SYTL5: variants seen among roughly 807,000 people sequenced by gnomAD.
SYTL5 encodes synaptotagmin like 5, also known as synaptotagmin-like protein 5.
In SYTL5, 34 loss-of-function variants were observed where a neutral mutation model predicts 55.9. The ratio of observed to expected loss-of-function variants is 0.61; its 90% CI spans 0.46 to 0.81. The LOEUF is 0.81. Ranked by LOEUF, SYTL5 falls within the 30% of genes least tolerant of loss-of-function variation. The pLI is 0.00. For synonymous variants in SYTL5, 221 were observed against 188.7 expected (o/e 1.17, Z -1.40); for missense variants, 637 against 546.7 (o/e 1.17, Z -1.65).
At chrX:37,930,410 G>A in the SYTL5 span, among the ~76,000 whole-genome samples, 1 of 111,559 alleles carries the variant, frequency 9.0e-6, no homozygotes, top group Non-Finnish European at 1.9e-5. Flanking sequence ...TCTGAAGAGA[G>A]AAAAAGCCTA....
chrX:37,983,049 G>GA, the SYTL5 span, among the ~76,000 whole-genome samples: 3 of 110,807 alleles, frequency 2.7e-5, no homozygotes, highest in Admixed American at 2.9e-4. Flanking sequence ...AAAATATAGT[G>GA]AAAAAATAAA....
intron 5 of SYTL5, among the ~76,000 whole-genome samples, chrX:38,075,699 G>A (rs745568875): frequency 6.3e-5 from 7 of 111,992 alleles, no homozygotes; most frequent in Non-Finnish European, 1.3e-4. Context: ...CTTTGACAAT[G>A]ACACTATTCC....
At chrX:38,037,963 G>T (rs1481709469) in intron 2 of SYTL5, among the ~76,000 whole-genome samples, 7 of 111,325 alleles carry the variant, frequency 6.3e-5, no homozygotes, top group Non-Finnish European at 1.3e-4. Flanking sequence ...GATGCAATAA[G>T]TTCCAATCCA....
chrX:37,893,843 T>A, the SYTL5 span, among the ~76,000 whole-genome samples: 6 of 91,890 alleles, frequency 6.5e-5, no homozygotes, highest in African/African-American at 2.7e-4. Context: ...TAATATATAA[T>A]TAAGTATGTT....
chrX:37,895,034 T>C, the SYTL5 span, among the ~76,000 whole-genome samples: 1 of 111,769 alleles, frequency 8.9e-6, no homozygotes, highest in Non-Finnish European at 1.9e-5. Flanking sequence ...CCAATTCCTG[T>C]AATAAATCAA....
At position 38,082,107 on chromosome X, in the gene SYTL5, T is replaced by A. The variant is rs745588458; in HGVS notation, c.689+5406T>A. Among the ~76,000 whole-genome samples the A allele has an allele frequency of 3.6e-5, 4 of 112,003 alleles. No homozygotes were observed. In the South Asian group the frequency reaches 1.1e-3, roughly 32 times the overall value. On this transcript the variant is annotated intron_variant, in intron 6 of 16. Transcript: ENST00000297875. ...GTGACTTTCCTCATTATAATGTCAA[T>A]AATGTGAGAAGGTATGGAGGCTCAG...
chrX:38,103,578 G>T (rs894769550), intron 10 of SYTL5, among the ~76,000 whole-genome samples: 24 of 110,357 alleles, frequency 2.2e-4, no homozygotes, highest in African/African-American at 7.3e-4. Context: ...GGTATGGTGG[G>T]GTAGTCCTCA....
At chrX:38,080,269 G>A (rs1936497609) in intron 6 of SYTL5, among the ~76,000 whole-genome samples, 1 of 111,905 alleles carries the variant, frequency 8.9e-6, no homozygotes, top group African/African-American at 3.2e-5. Context: ...AACCTAAAAT[G>A]CATTTTGTTC....
intron 3 of SYTL5, among the ~76,000 whole-genome samples, chrX:38,056,209 A>G (rs1423887965): frequency 8.9e-6 from 1 of 111,973 alleles, no homozygotes; most frequent in Non-Finnish European, 1.9e-5. Flanking sequence ...AAGTAAGAAC[A>G]TGTAAAGTTT....
chrX:38,010,407 T>TA (rs1256689254), intron 1 of SYTL5, among the ~76,000 whole-genome samples: 2 of 111,070 alleles, frequency 1.8e-5, no homozygotes, highest in African/African-American at 6.6e-5. Context: ...ATGATTCAGA[T>TA]AAAAAAAAGA....
intron 6 of SYTL5, among the ~76,000 whole-genome samples, chrX:38,078,141 G>A (rs1473235958): frequency 8.9e-6 from 1 of 112,242 alleles, no homozygotes; most frequent in South Asian, 3.7e-4. Flanking sequence ...CTAATTTGGT[G>A]TTCTTTTTGC....
chrX:37,927,180 C>A, the SYTL5 span, among the ~76,000 whole-genome samples: 1 of 112,160 alleles, frequency 8.9e-6, no homozygotes, highest in African/African-American at 3.2e-5. Flanking sequence ...GTATTTCAAT[C>A]AACCTAAAAG....
chrX:37,909,569 G>A, the SYTL5 span, among the ~76,000 whole-genome samples: 1 of 111,294 alleles, frequency 9.0e-6, no homozygotes, highest in East Asian at 2.8e-4. Context: ...TGTGGCCCAG[G>A]TAATCCAAAA....
the SYTL5 span, among the ~76,000 whole-genome samples, chrX:37,999,400 T>C: frequency 8.9e-6 from 1 of 112,784 alleles, no homozygotes. Context: ...TTTGATCCTC[T>C]TAATGTTCTA....
At chrX:37,968,624 G>A in the SYTL5 span, among the ~76,000 whole-genome samples, 6 of 111,601 alleles carry the variant, frequency 5.4e-5, no homozygotes, top group African/African-American at 9.8e-5. Flanking sequence ...CATGGCTTGC[G>A]TATGAAATAT....
At chrX:38,076,479 T>C (rs926914223) in intron 5 of SYTL5, 88 bp from the exon 6 acceptor site, 1 of 815,936 alleles carries the variant, frequency 1.2e-6, no homozygotes, top group African/African-American at 2.1e-5. Flanking sequence ...TCCTTTATTA[T>C]TAAAAGTACT....
At chrX:37,997,407 G>A in the SYTL5 span, among the ~76,000 whole-genome samples, 2 of 112,495 alleles carry the variant, frequency 1.8e-5, no homozygotes, top group South Asian at 3.7e-4. Flanking sequence ...CATCCAAATC[G>A]CGGCTGCAGA....
In SYTL5 at chrX:38,019,670, C is replaced by T. The variant is rs950551750; in HGVS notation, c.-357+13002C>T. 8.1e-5 allele frequency among the ~76,000 whole-genome samples: 9 copies of T among 111,452 alleles called. No individual in the cohort carries two copies. In the South Asian group the frequency reaches 3.4e-3, roughly 43 times the overall value. ...TTTGAGACAAAGTCTCACTCTGTCG[C>T]CCAGGCTGGAGTGCAGTGGCGTGTT... is the stretch of plus-strand genomic sequence containing the variant. On this transcript the variant is annotated intron_variant, in intron 1 of 16. Coordinates refer to ENST00000297875, the MANE Select transcript of SYTL5 (RefSeq NM_138780.3).
At chrX:38,116,596 A>AT (rs1273991799) in intron 13 of SYTL5, among the ~76,000 whole-genome samples, 3 of 112,532 alleles carry the variant, frequency 2.7e-5, no homozygotes, top group Admixed American at 9.4e-5. Flanking sequence ...AAAATGTATG[A>AT]TTTTTTCTAA....
Sources: allele counts gnomAD v4.1 joint callset (sites outside exome capture counted in the v4.1 genomes callset), GRCh38; gene constraint gnomAD v4.1.1; transcripts MANE v1.5; gene names NCBI Gene and HGNC (gene_info 2026-07-23, HGNC 2026-07-21).